The following MRPS2 variants were observed in gnomAD, a reference collection of about 807,000 sequenced individuals.
The protein encoded by MRPS2 is small ribosomal subunit protein uS2m.
A neutral mutation model predicts 18.9 loss-of-function variants in MRPS2; 13 were observed. That is an observed-to-expected ratio of 0.69 (90% confidence interval 0.45 to 1.09). The LOEUF (loss-of-function observed/expected upper bound fraction) is 1.09. Ranked by LOEUF, MRPS2 falls within the 50% of genes least tolerant of loss-of-function variation. The probability of loss-of-function intolerance (pLI) is 0.00; values close to 1 mark genes in which losing one functional copy is unlikely to be tolerated. For synonymous variants in MRPS2, 186 were observed against 178.4 expected (o/e 1.04, Z -0.34); for missense variants, 389 against 421.7 (o/e 0.92, Z 0.68).
rs771563537 is a variant in MRPS2, at chr9:135,503,697, C to T, written c.455C>T (p.Ser152Leu). 1.1e-5 allele frequency: 17 copies of T among 1,613,626 alleles called. No homozygotes were observed. The highest frequency in any genetic ancestry group is 6.6e-5 in the South Asian group (6 of 91,092). Residue 152 changes from serine to leucine, a missense_variant, in exon 4 of 4, where the codon TCG becomes TTG. Coordinates refer to ENST00000241600, the MANE Select transcript of MRPS2 (RefSeq NM_016034.5). The stretch of plus-strand genomic sequence containing the variant: ...TTTATAAGCCGCAACCGGCAGTTCT[C>T]GTACCTGATTGAGAACATGGCCCGT... ...ILFISRNRQF[S>L]YLIENMARDC...
rs761874702 is a variant in MRPS2 at position 135,501,833 on chromosome 9, C to G, written c.170-11C>G. On this transcript the variant is annotated splice_polypyrimidine_tract_variant and intron_variant, in intron 2 of 3. Transcript: ENST00000241600. ...TGGGAGACGCAGCGTCGCTCCTCCT[C>G]CCTGCCGTAGATTTCAACGACAAGA... is the stretch of plus-strand genomic sequence containing the variant. 1.9e-6 allele frequency: 3 copies of G among 1,612,984 alleles called. No homozygotes were observed. In the Admixed American group the frequency reaches 5.0e-5, roughly 27 times the overall value.
At chr9:135,503,400 G>A (rs114368209) in intron 3 of MRPS2, 142 bp from the exon 4 acceptor site, 24,176 of 1,386,928 alleles carry the variant, frequency 0.017, 316 homozygotes, top group Admixed American at 0.07. Flanking sequence ...CACGGGGAGC[G>A]TTGCAAATTG....
chr9:135,501,816 G>T (rs1300196250), intron 2 of MRPS2, 28 bp from the exon 3 acceptor site: 5 of 1,610,736 alleles, frequency 3.1e-6, no homozygotes, highest in East Asian at 2.2e-5. Flanking sequence ...GGTGGGAGAC[G>T]CAGCGTCGCT....
chr9:135,500,780 G>A (rs771651209), intron 1 of MRPS2, 27 bp downstream of exon 1: 18 of 1,486,458 alleles, frequency 1.2e-5, no homozygotes, highest in Admixed American at 2.3e-5. Flanking sequence ...GGGACCCTGG[G>A]GAGGAGCATG....
intron 2 of MRPS2, 138 bp downstream of exon 2, chr9:135,501,261 T>C: frequency 7.0e-7 from 1 of 1,430,220 alleles, no homozygotes; most frequent in Non-Finnish European, 9.1e-7. Flanking sequence ...ACTCCCGTGC[T>C]CGCCGCCGCT....
At chr9:135,502,352 T>C (rs1831167083) in intron 3 of MRPS2, 1 of 451,724 alleles carries the variant, frequency 2.2e-6, no homozygotes. Flanking sequence ...TCATTTTGAC[T>C]GCTGTGGGGG....
intron 2 of MRPS2, 150 bp downstream of exon 2, chr9:135,501,273 G>C: frequency 3.5e-6 from 5 of 1,431,914 alleles, no homozygotes; most frequent in Non-Finnish European, 4.5e-6. Context: ...GCCGCCGCTC[G>C]GTCCTGCCTG....
rs754105354 is a variant in MRPS2 at position 135,503,638 on chromosome 9, C to T, written c.396C>T (p.Thr132=). 6 of 1,613,862 alleles carry T rather than the reference C, an allele frequency of 3.7e-6. No homozygotes were observed. The highest frequency in any genetic ancestry group is 3.3e-5 in the Admixed American group (2 of 60,024). The change falls in exon 4 of 4, where the codon ACC becomes ACT. Residue 132 remains threonine, a synonymous_variant. Coordinates refer to ENST00000241600, the MANE Select transcript of MRPS2 (RefSeq NM_016034.5). ...ATHLQLALNF[T]AHMAYRKGII... The stretch of plus-strand genomic sequence containing the variant: ...ACCTCCAGCTGGCCTTGAACTTCAC[C>T]GCCCACATGGCCTACCGCAAGGGCA...
At chr9:135,501,469 T>G in intron 2 of MRPS2, 1 of 918,466 alleles carries the variant, frequency 1.1e-6, no homozygotes, top group Non-Finnish European at 1.4e-6. Flanking sequence ...TCTGCCCACC[T>G]TGCTGGACTC....
At chr9:135,500,679 A>C, upstream of MRPS2, 2 of 1,451,554 alleles carry the variant, frequency 1.4e-6, no homozygotes. Context: ...CCTGGCCTGG[A>C]GGGAGACCTC....
chr9:135,501,687 C>T (rs967543425), intron 2 of MRPS2, 157 bp from the exon 3 acceptor site: 1 of 1,451,546 alleles, frequency 6.9e-7, no homozygotes. Context: ...GAAAAGGTCC[C>T]TGTGCTTCCA....
At chr9:135,499,994 G>T, upstream of MRPS2, 1 of 965,410 alleles carries the variant, frequency 1.0e-6, no homozygotes, top group Non-Finnish European at 1.5e-6. Context: ...AACCTGCCGG[G>T]CGACTCCCCA....
Position 135,501,040 on chromosome 9 carries a change from C to T in MRPS2, c.86C>T (p.Ala29Val), listed in dbSNP as rs750686633. ...PSRWLGFLGK[A>V]TPRPARPSRR... ...CGCTGGTTGGGCTTTCTCGGGAAGG[C>T]GACCCCCCGGCCTGCTCGGCCGAGC... is the stretch of plus-strand genomic sequence containing the variant. The change falls in exon 2 of 4, where the codon GCG becomes GTG. Residue 29 changes from alanine to valine, a missense_variant. Ala to Val is a moderately conservative substitution (Grantham distance 64, BLOSUM62 0). Transcript: ENST00000241600. 2 of 1,611,012 alleles carry T rather than the reference C, an allele frequency of 1.2e-6. No individual in the cohort carries two copies. The highest frequency in any genetic ancestry group is 8.5e-7 in the Non-Finnish European group (1 of 1,179,332).
rs1831215344 is a variant in MRPS2 at position 135,503,801 on chromosome 9, G to T, written c.559G>T (p.Val187Phe). The T allele has an allele frequency of 1.2e-6, 2 of 1,612,996 alleles. No individual in the cohort carries two copies. The change falls in exon 4 of 4, where the codon GTC becomes TTC. Residue 187 changes from valine (V) to phenylalanine (F), a missense_variant. Coordinates refer to ENST00000241600, the MANE Select transcript of MRPS2 (RefSeq NM_016034.5). ...CGCGCGCCTCCTCTTTGGCCCCACG[G>T]TCCGCCTGCCGGACCTCATCATCTT... ...TNARLLFGPT[V>F]RLPDLIIFLH...
Position 135,502,186 on chromosome 9 carries a change from G to A in MRPS2, c.299+213G>A, listed in dbSNP as rs1012589122. ...TGTGTGCCTTGGTGTGGCGCTCACAGCCCTTGATAGGGCAGGCCTGCTGGG... is the reference window on the plus strand; with the variant it reads ...TGTGTGCCTTGGTGTGGCGCTCACAACCCTTGATAGGGCAGGCCTGCTGGG... On this transcript the variant is annotated intron_variant, in intron 3 of 3. Coordinates refer to ENST00000241600, the MANE Select transcript of MRPS2 (RefSeq NM_016034.5). 4.4e-6 allele frequency: 6 copies of A among 1,373,336 alleles called. No individual in the cohort carries two copies. The African/African-American group carries it at 8.8e-5, about 20-fold the overall frequency. 85.1% of individuals were successfully genotyped at this position (1,373,336 alleles called of 1,614,324 possible). A position where few individuals can be genotyped will look rare whatever the true frequency, so the allele number is the denominator to read the frequency against.
In MRPS2 at chr9:135,504,357, C is replaced by A; in HGVS notation, c.*224C>A. The A allele has an allele frequency of 1.7e-6, 1 of 576,916 alleles. No homozygotes were observed. The highest frequency in any genetic ancestry group is 3.1e-6 in the Non-Finnish European group (1 of 326,814). 35.7% of individuals were successfully genotyped at this position (576,916 alleles called of 1,614,324 possible). On this transcript the variant is annotated 3_prime_UTR_variant, in exon 4 of 4. Coordinates refer to ENST00000241600, the MANE Select transcript of MRPS2 (RefSeq NM_016034.5). This position sits in a 1 kb window ranked among gnomAD's most constrained non-coding sequence, Gnocchi z 4.3. ...GAGCACAGAGGGTGAGCGACATGTG[C>A]AGAACGGCCCCTTGGCTGCAGTTAG...
upstream of MRPS2, chr9:135,500,157 C>G: frequency 2.4e-6 from 1 of 412,586 alleles, no homozygotes; most frequent in Admixed American, 4.3e-5. Context: ...TGGGACCCCG[C>G]CAGCCGGGTG....
intron 2 of MRPS2, 58 bp from the exon 3 acceptor site, chr9:135,501,786 T>C: frequency 1.2e-6 from 2 of 1,602,360 alleles, no homozygotes; most frequent in Non-Finnish European, 8.5e-7. Flanking sequence ...AACTGCGCTC[T>C]GCCTGTCTCT....
Position 135,501,096 on chromosome 9 carries a change from A to G in MRPS2, c.142A>G (p.Met48Val). The change falls in exon 2 of 4, where the codon ATG (methionine) becomes GTG (valine). Residue 48 changes from methionine (M) to valine (V), a missense_variant. By Grantham distance (21) the Met-to-Val change is conservative. Coordinates refer to ENST00000241600, the MANE Select transcript of MRPS2 (RefSeq NM_016034.5). ...RRTLGSATAL[M>V]IRESEDSTDF... ...GACGCTTGGAAGCGCGACGGCCCTT[A>G]TGATCCGCGAGTCGGAGGACAGCAC... is the stretch of plus-strand genomic sequence containing the variant. 1 of 1,605,464 alleles carries G rather than the reference A, an allele frequency of 6.2e-7. No homozygotes were observed. Among genetic ancestry groups the G allele is most frequent in the Non-Finnish European group, 8.5e-7 (1 of 1,177,244 alleles).
Sources: gnomAD v4.1 joint callset for allele counts on GRCh38, gnomAD v4.1.1 for gene constraint, Gnocchi (gnomAD v3.1) non-coding constraint, MANE v1.5 for transcripts, NCBI Gene and HGNC (gene_info 2026-07-23, HGNC 2026-07-21) for gene names.